Variants in SLA observed in about 807,000 individuals in gnomAD.
SLA encodes Src like adaptor.
SLA carries 16 observed loss-of-function variants against 30.3 expected under a neutral mutation model. The ratio of observed to expected loss-of-function variants is 0.53; its 90% CI spans 0.36 to 0.80. The LOEUF (loss-of-function observed/expected upper bound fraction) is 0.80, where lower values mean the gene tolerates loss of function less well. SLA is among the 30% of genes least tolerant of loss of function. SLA has a pLI of 0.01. For missense variants in SLA, 310 were observed against 345.2 expected (o/e 0.90, Z 0.81); for synonymous variants, 143 against 137.8 (o/e 1.04, Z -0.26).
At chr8:133,079,832 A>C (rs770740047) in intron 1 of SLA, among the ~76,000 whole-genome samples, 6 of 152,124 alleles carry the variant, frequency 3.9e-5, no homozygotes, top group Admixed American at 1.3e-4. Flanking sequence ...AATGCAAGGC[A>C]TGACACTTGG....
chr8:133,047,216 T>C (rs1217020868), intron 6 of SLA: 2 of 152,438 alleles, frequency 1.3e-5, no homozygotes, highest in African/African-American at 4.8e-5. Flanking sequence ...TTTGTGTTTT[T>C]ACTGTGGTAC....
In SLA at chr8:133,037,076, T is replaced by G. The variant is rs1269473584; in HGVS notation, c.*1448A>C. On this transcript the variant is annotated 3_prime_UTR_variant, in exon 9 of 9. Transcript: ENST00000338087. Reference sequence around the variant, plus strand: ...AAAACTGTGTAACTGCACATACACATACCAGTAGCACGATGAGCTCAGATG... The same window carrying G: ...AAAACTGTGTAACTGCACATACACAGACCAGTAGCACGATGAGCTCAGATG... 6.6e-6 allele frequency: 1 copy of G among 152,184 alleles called. No individual in the cohort carries two copies. The highest frequency in any genetic ancestry group is 2.4e-5 in the African/African-American group (1 of 41,444). 9.4% of individuals were successfully genotyped at this position (152,184 alleles called of 1,614,324 possible). A position where few individuals can be genotyped will look rare whatever the true frequency, so the allele number is the denominator to read the frequency against.
At chr8:133,076,560 G>A (rs1241842193) in intron 1 of SLA, 1 of 151,792 alleles carries the variant, frequency 6.6e-6, no homozygotes, top group Non-Finnish European at 1.5e-5. Context: ...ATGCAGAAGT[G>A]GAGATTTTCC....
In SLA at chr8:133,102,590, C is replaced by G. The variant is rs890416231; in HGVS notation, c.-356G>C. The G allele has an allele frequency of 6.4e-7, 1 of 1,550,720 alleles. No homozygotes were observed. Among genetic ancestry groups the G allele is most frequent in the Admixed American group, 2.0e-5 (1 of 50,978 alleles). ...AGGGCTGCCTGAGATGTTCTCCATTCGCAGCAAATGATCTTATTTTCTGAA... is the reference window on the plus strand; with the variant it reads ...AGGGCTGCCTGAGATGTTCTCCATTGGCAGCAAATGATCTTATTTTCTGAA... On this transcript the variant is annotated 5_prime_UTR_variant, in exon 1 of 9. Coordinates refer to ENST00000338087, the MANE Select transcript of SLA (RefSeq NM_001045556.3).
intron 1 of SLA, among the ~76,000 whole-genome samples, chr8:133,078,871 C>T (rs988653852): frequency 4.6e-5 from 7 of 152,206 alleles, no homozygotes; most frequent in African/African-American, 1.2e-4. Context: ...TCCCTCCCTG[C>T]CCTCAAGGAG....
At chr8:133,059,165 G>T (rs1312561125) in intron 3 of SLA, 3 of 456,066 alleles carry the variant, frequency 6.6e-6, no homozygotes, top group African/African-American at 6.0e-5. Flanking sequence ...GTGCTGCAGG[G>T]GCTGCTGGGA....
chr8:133,100,920 A>G (rs1303609994), intron 1 of SLA, among the ~76,000 whole-genome samples: 2 of 152,226 alleles, frequency 1.3e-5, no homozygotes, highest in South Asian at 2.1e-4. Flanking sequence ...TCTCAACTGT[A>G]TGGCTGTGAG....
intron 1 of SLA, among the ~76,000 whole-genome samples, chr8:133,082,745 A>C (rs954772826): frequency 6.6e-6 from 1 of 152,252 alleles, no homozygotes; most frequent in Non-Finnish European, 1.5e-5. Context: ...AGGATCTGTA[A>C]CAGCATTATG....
At chr8:133,081,346 G>A (rs1421159761) in intron 1 of SLA, among the ~76,000 whole-genome samples, 1 of 152,256 alleles carries the variant, frequency 6.6e-6, no homozygotes, top group Admixed American at 6.5e-5. Flanking sequence ...TAAATAAATT[G>A]TGAATGGTGA....
chr8:133,045,429 C>G (rs1839172290), intron 6 of SLA, among the ~76,000 whole-genome samples: 1 of 111,978 alleles, frequency 8.9e-6, no homozygotes, highest in Non-Finnish European at 1.6e-5. Context: ...GGGTCTTGCT[C>G]TGTCACCCAG....
chr8:133,096,313 C>T lies in SLA; in HGVS notation c.-319+6240G>A, dbSNP rs374133544. On this transcript the variant is annotated intron_variant, in intron 1 of 8. Transcript: ENST00000338087. ...TGAAGAGGTCTTTATGGGTAGAGGT[C>T]GATCTGCTCATTGGGAGTTCTCAGG... 6 of 1,614,044 alleles carry T rather than the reference C, an allele frequency of 3.7e-6. No homozygotes were observed. In the African/African-American group the frequency reaches 4.0e-5, roughly 11 times the overall value.
chr8:133,096,310 G>A (rs1469876400), intron 1 of SLA: 2 of 1,614,192 alleles, frequency 1.2e-6, no homozygotes, highest in African/African-American at 2.7e-5. Context: ...TATGGGTAGA[G>A]GTCGATCTGC....
At chr8:133,066,443 G>T (rs1332617311) in intron 2 of SLA, among the ~76,000 whole-genome samples, 4 of 152,016 alleles carry the variant, frequency 2.6e-5, no homozygotes, top group Non-Finnish European at 5.9e-5. Flanking sequence ...CCACTCAAAT[G>T]CATACACGTG....
At position 133,037,637 on chromosome 8, in the gene SLA, T is replaced by C. The variant is rs952119325; in HGVS notation, c.*887A>G. ...TCTGTTGGGGGTTAGGACTTACGCA[T>C]CTTTTTTTTTTTTTTGGCTTGCCTG... is the stretch of plus-strand genomic sequence containing the variant. On this transcript the variant is annotated 3_prime_UTR_variant, in exon 9 of 9. Coordinates refer to ENST00000338087, the MANE Select transcript of SLA (RefSeq NM_001045556.3). 6.8e-6 allele frequency: 1 copy of C among 146,878 alleles called. No homozygotes were observed. Among genetic ancestry groups the C allele is most frequent in the African/African-American group, 2.6e-5 (1 of 38,592 alleles). 9.1% of individuals were successfully genotyped at this position (146,878 alleles called of 1,614,324 possible). A position where few individuals can be genotyped will look rare whatever the true frequency, so the allele number is the denominator to read the frequency against.
At chr8:133,081,739 T>C (rs1845785898) in intron 1 of SLA, among the ~76,000 whole-genome samples, 1 of 152,190 alleles carries the variant, frequency 6.6e-6, no homozygotes, top group Admixed American at 6.5e-5. Context: ...TTCTCAGCCA[T>C]GCAAGGGTTG....
chr8:133,081,547 G>A (rs139706616), intron 1 of SLA, among the ~76,000 whole-genome samples: 21 of 152,056 alleles, frequency 1.4e-4, no homozygotes, highest in Admixed American at 4.6e-4. Context: ...CAGAATCTTC[G>A]GGAGGTCTTT....
Position 133,060,202 on chromosome 8 carries a change from T to C in SLA, c.-40-2A>G. 1 of 1,613,540 alleles carries C rather than the reference T, an allele frequency of 6.2e-7. No individual in the cohort carries two copies. The highest frequency in any genetic ancestry group is 8.5e-7 in the Non-Finnish European group (1 of 1,179,724). ...GGGGCCGCTGGTGATGCCCAGAGCC[T>C]GTGGTATAGGAGACAGACGGGGAAA... On this transcript the variant is annotated splice_acceptor_variant, in intron 2 of 8. Coordinates refer to ENST00000338087, the MANE Select transcript of SLA (RefSeq NM_001045556.3). LOFTEE classifies it low-confidence loss of function (5UTR_SPLICE).
At chr8:133,040,807 A>T (rs1838074506) in intron 7 of SLA, among the ~76,000 whole-genome samples, 1 of 152,204 alleles carries the variant, frequency 6.6e-6, no homozygotes, top group Non-Finnish European at 1.5e-5. Flanking sequence ...GAGGGAAGAG[A>T]AAACAAAGAT....
intron 1 of SLA, among the ~76,000 whole-genome samples, chr8:133,097,159 G>T (rs1433025370): frequency 6.6e-6 from 1 of 152,166 alleles, no homozygotes; most frequent in Admixed American, 6.5e-5. Flanking sequence ...GCATGACATG[G>T]GTCTCTGTTG....
Sources: gnomAD v4.1 joint callset for allele counts (sites outside exome capture counted in the v4.1 genomes callset) on GRCh38, gnomAD v4.1.1 for gene constraint, MANE v1.5 for transcripts, NCBI Gene and HGNC (gene_info 2026-07-23, HGNC 2026-07-21) for gene names.